Variants in AGBL4 observed in about 807,000 individuals in gnomAD.
The protein encoded by AGBL4 is cytosolic carboxypeptidase 6.
A neutral mutation model predicts 66.4 loss-of-function variants in AGBL4; 58 were observed. The ratio of observed to expected loss-of-function variants is 0.87; its 90% CI spans 0.71 to 1.09. The LOEUF is 1.09. AGBL4 is among the 50% of genes least tolerant of loss of function. AGBL4 has a pLI of 0.00. For missense variants in AGBL4, 579 were observed against 631.0 expected (o/e 0.92, Z 0.88); for synonymous variants, 234 against 222.9 (o/e 1.05, Z -0.44).
At chr1:49,591,335 G>A (rs1486099108) in intron 3 of AGBL4, among the ~76,000 whole-genome samples, 3 of 150,976 alleles carry the variant, frequency 2.0e-5, no homozygotes, top group Non-Finnish European at 4.4e-5. Context: ...AGAAACATTA[G>A]TACTAGCCAC....
chr1:49,072,949 T>C (rs1026628883), intron 4 of AGBL4, among the ~76,000 whole-genome samples: 5 of 152,194 alleles, frequency 3.3e-5, no homozygotes, highest in Non-Finnish European at 7.3e-5. Context: ...TTCTTTTCAC[T>C]CTTTTTTTTA....
At chr1:48,828,045 A>G (rs560012401) in intron 6 of AGBL4, among the ~76,000 whole-genome samples, 1 of 95,754 alleles carries the variant, frequency 1.0e-5, no homozygotes, top group Non-Finnish European at 2.4e-5. Context: ...CACACACACA[A>G]ATTAGCCGGG....
In AGBL4 at chr1:49,116,790, C is replaced by T. The variant is rs143213959; in HGVS notation, c.378-70990G>A. On this transcript the variant is annotated intron_variant, in intron 4 of 13. Coordinates refer to ENST00000371839, the MANE Select transcript of AGBL4 (RefSeq NM_032785.4). ...TTCTAATTCCAGATACTTGAGGGAT[C>T]GGCACAGTGGCTTCCACAATGGTTG... Among the ~76,000 whole-genome samples the T allele has an allele frequency of 8.5e-4, 129 of 152,254 alleles. 2 individuals are homozygous for T. The East Asian group carries it at 0.02, about 24-fold the overall frequency.
chr1:49,272,928 T>A (rs563489353), intron 3 of AGBL4, among the ~76,000 whole-genome samples: 7 of 152,282 alleles, frequency 4.6e-5, no homozygotes, highest in Non-Finnish European at 1.0e-4. Flanking sequence ...TCTTAAGAAT[T>A]TAGTTTACAC....
At chr1:49,173,652 A>G (rs1646779028) in intron 4 of AGBL4, among the ~76,000 whole-genome samples, 2 of 152,210 alleles carry the variant, frequency 1.3e-5, no homozygotes, top group South Asian at 4.1e-4. Flanking sequence ...TAAATGCTAT[A>G]TGGAGTAATA....
At chr1:49,524,726 T>A (rs1355702146) in intron 3 of AGBL4, among the ~76,000 whole-genome samples, 1 of 151,990 alleles carries the variant, frequency 6.6e-6, no homozygotes, top group African/African-American at 2.4e-5. Context: ...TAAAGACACT[T>A]CCCAAGAAGC....
chr1:48,766,635 G>A (rs964116309), intron 6 of AGBL4, among the ~76,000 whole-genome samples: 9 of 152,178 alleles, frequency 5.9e-5, no homozygotes, highest in African/African-American at 2.2e-4. Context: ...GTTCAGGAAA[G>A]GGACAGAAGC....
intron 3 of AGBL4, among the ~76,000 whole-genome samples, chr1:49,602,927 C>T (rs1472800314): frequency 6.6e-6 from 1 of 152,044 alleles, no homozygotes; most frequent in African/African-American, 2.4e-5. Context: ...ACGAGGATCA[C>T]GTCTTGTACT....
intron 11 of AGBL4, among the ~76,000 whole-genome samples, chr1:48,581,721 A>T (rs1052857581): frequency 1.3e-5 from 2 of 152,222 alleles, no homozygotes; most frequent in Non-Finnish European, 2.9e-5. Context: ...AATGGCACAG[A>T]CTATATGCCC....
At chr1:48,967,170 T>G (rs974806764) in intron 5 of AGBL4, among the ~76,000 whole-genome samples, 1 of 152,118 alleles carries the variant, frequency 6.6e-6, no homozygotes, top group Non-Finnish European at 1.5e-5. Context: ...TGTGTTTCCT[T>G]ATACTTCATG....
chr1:48,645,593 A>G (rs1328385700), intron 8 of AGBL4, among the ~76,000 whole-genome samples: 2 of 152,128 alleles, frequency 1.3e-5, no homozygotes, highest in Non-Finnish European at 2.9e-5. Context: ...TACTCCATAA[A>G]TTAATTAGTT....
At chr1:49,456,269 G>T (rs1646386717) in intron 3 of AGBL4, among the ~76,000 whole-genome samples, 1 of 151,698 alleles carries the variant, frequency 6.6e-6, no homozygotes, top group South Asian at 2.1e-4. Flanking sequence ...ATCAGGCCTA[G>T]AAATAGAATT....
intron 6 of AGBL4, among the ~76,000 whole-genome samples, chr1:48,829,564 G>T (rs1646503716): frequency 6.6e-6 from 1 of 152,176 alleles, no homozygotes; most frequent in Non-Finnish European, 1.5e-5. Context: ...GATCAAAAAG[G>T]TTCTGTCTCA....
At chr1:48,679,553 G>T (rs1489550558) in intron 6 of AGBL4, among the ~76,000 whole-genome samples, 1 of 152,084 alleles carries the variant, frequency 6.6e-6, no homozygotes, top group Admixed American at 6.5e-5. Flanking sequence ...CATCAGTGTG[G>T]GTGATTTCTT....
intron 3 of AGBL4, among the ~76,000 whole-genome samples, chr1:49,420,805 G>A (rs988543398): frequency 2.0e-5 from 3 of 152,024 alleles, no homozygotes; most frequent in African/African-American, 4.8e-5. Flanking sequence ...TCAGTCAGTC[G>A]TCAAATAGCT....
At chr1:48,916,035 T>A (rs1342868631) in intron 5 of AGBL4, among the ~76,000 whole-genome samples, 1 of 152,190 alleles carries the variant, frequency 6.6e-6, no homozygotes, top group African/African-American at 2.4e-5. Context: ...GATCAGTTTG[T>A]TAATCAGCAG....
intron 5 of AGBL4, among the ~76,000 whole-genome samples, chr1:48,971,113 C>A (rs904323468): frequency 6.6e-6 from 1 of 152,074 alleles, no homozygotes; most frequent in Non-Finnish European, 1.5e-5. Flanking sequence ...GGTCCCCAAA[C>A]CCCCAGCCTT....
intron 2 of AGBL4, among the ~76,000 whole-genome samples, chr1:49,730,901 T>A: frequency 6.6e-6 from 1 of 152,214 alleles, no homozygotes; most frequent in East Asian, 1.9e-4. Context: ...ATAATATTTA[T>A]TAATGAATGA....
chr1:48,707,311 C>T (rs1646896558), intron 6 of AGBL4, among the ~76,000 whole-genome samples: 1 of 151,952 alleles, frequency 6.6e-6, no homozygotes, highest in Admixed American at 6.6e-5. Context: ...ACAACAACAA[C>T]AACAACAAAA....
Sources: gnomAD v4.1 joint callset for allele counts (sites outside exome capture counted in the v4.1 genomes callset) on GRCh38, gnomAD v4.1.1 for gene constraint, MANE v1.5 for transcripts, NCBI Gene and HGNC (gene_info 2026-07-23, HGNC 2026-07-21) for gene names.